Variants in METAP2 observed in about 807,000 individuals in gnomAD.
METAP2 encodes methionyl aminopeptidase 2.
In METAP2, 25 loss-of-function variants were observed where a neutral mutation model predicts 59.4. The observed-to-expected ratio is 0.42, with a 90% CI of 0.31 to 0.59. METAP2 has a LOEUF of 0.59. METAP2 is among the 20% of genes least tolerant of loss of function. METAP2 has a pLI of 0.16. For missense variants in METAP2, 366 were observed against 581.2 expected, an observed-to-expected ratio of 0.63 and a Z score of 3.81; for synonymous variants, 214 against 194.1, an observed-to-expected ratio of 1.10 and a Z score of -0.85.
At chr12:95,476,364 T>C (rs143080896) in intron 2 of METAP2, among the ~76,000 whole-genome samples, 186 bp downstream of exon 2, 2 of 151,948 alleles carry the variant, frequency 1.3e-5, no homozygotes, top group Non-Finnish European at 2.9e-5. Context: ...AAAAAAAATT[T>C]AGCCGGGTGT....
chr12:95,492,055 G>A (rs1265098665), intron 4 of METAP2, among the ~76,000 whole-genome samples: 1 of 152,042 alleles, frequency 6.6e-6, no homozygotes, highest in African/African-American at 2.4e-5. Context: ...CAGTCCTCCT[G>A]CCTCAGCCTA....
At chr12:95,482,043 G>A (rs569534992) in intron 2 of METAP2, 107 of 380,594 alleles carry the variant, frequency 2.8e-4, no homozygotes, top group African/African-American at 1.9e-3. Flanking sequence ...ATAATTTTTC[G>A]TGTGCCTTTT....
chr12:95,496,949 C>T (rs1032175782), intron 7 of METAP2, among the ~76,000 whole-genome samples: 4 of 151,454 alleles, frequency 2.6e-5, no homozygotes, highest in South Asian at 2.1e-4. Context: ...CTCAGCCTCC[C>T]GAGTTGCTGG....
chr12:95,510,024 A>G (rs1009418926), intron 8 of METAP2, among the ~76,000 whole-genome samples: 3 of 151,956 alleles, frequency 2.0e-5, no homozygotes, highest in African/African-American at 7.3e-5. Context: ...TTTAGTAGAG[A>G]TGGGGTTTCA....
intron 9 of METAP2, among the ~76,000 whole-genome samples, chr12:95,512,446 C>T (rs548374225): frequency 3.3e-5 from 5 of 152,152 alleles, no homozygotes; most frequent in African/African-American, 1.2e-4. Flanking sequence ...GTAGCTCAGG[C>T]CTGTTAATCC....
intron 7 of METAP2, among the ~76,000 whole-genome samples, chr12:95,499,078 T>C (rs1357951416): frequency 1.3e-5 from 2 of 152,178 alleles, no homozygotes; most frequent in Non-Finnish European, 2.9e-5. Flanking sequence ...CTGTTCATTT[T>C]ATTGTATTGG....
At chr12:95,499,944 A>G (rs1450099993) in intron 7 of METAP2, among the ~76,000 whole-genome samples, 1 of 152,186 alleles carries the variant, frequency 6.6e-6, no homozygotes, top group East Asian at 1.9e-4. Flanking sequence ...CATGAGAACA[A>G]CATGGGGGAA....
chr12:95,486,790 C>T (rs949443515), intron 4 of METAP2, among the ~76,000 whole-genome samples: 1 of 152,118 alleles, frequency 6.6e-6, no homozygotes, highest in Non-Finnish European at 1.5e-5. Flanking sequence ...AGCCACTGCG[C>T]CCAGCCAATA....
chr12:95,493,009 G>T (rs2076250477), intron 4 of METAP2, among the ~76,000 whole-genome samples: 1 of 152,162 alleles, frequency 6.6e-6, no homozygotes, highest in Non-Finnish European at 1.5e-5. Flanking sequence ...ATTCCTTGAA[G>T]GTATCACTTT....
At chr12:95,512,136 C>A in intron 9 of METAP2, 138 bp downstream of exon 9, 1 of 617,982 alleles carries the variant, frequency 1.6e-6, no homozygotes, top group South Asian at 2.6e-5. Context: ...AGGAATTGGG[C>A]CATTTGAATT....
At chr12:95,503,984 T>C in intron 7 of METAP2, 81 bp from the exon 8 acceptor site, 1 of 1,014,058 alleles carries the variant, frequency 9.9e-7, no homozygotes, top group Non-Finnish European at 1.5e-6. Context: ...TGATTGTCCC[T>C]TGTTTTTAAA....
chr12:95,487,942 A>T (rs762311231), intron 4 of METAP2, among the ~76,000 whole-genome samples: 13 of 152,186 alleles, frequency 8.5e-5, no homozygotes, highest in Non-Finnish European at 1.6e-4. Flanking sequence ...AATTTTTGCC[A>T]CTATAAACCA....
chr12:95,487,031 A>T (rs1349796701), intron 4 of METAP2, among the ~76,000 whole-genome samples: 1 of 152,200 alleles, frequency 6.6e-6, no homozygotes, highest in East Asian at 1.9e-4. Flanking sequence ...TAATTATCAC[A>T]TCTGTGCTTT....
At chr12:95,512,714 AAGAG>A (rs1257050281) in intron 9 of METAP2, 83 bp from the exon 10 acceptor site, 3 of 749,122 alleles carry the variant, frequency 4.0e-6, no homozygotes, top group Non-Finnish European at 6.7e-6. Flanking sequence ...CTGTCTCAAA[AAGAG>A]AGAGAGAGAA....
intron 8 of METAP2, among the ~76,000 whole-genome samples, chr12:95,508,347 C>T (rs1359101949): frequency 6.6e-6 from 1 of 152,162 alleles, no homozygotes; most frequent in Non-Finnish European, 1.5e-5. Context: ...GTTGCTGCTT[C>T]TATTAACACT....
At chr12:95,487,181 A>G (rs962162639) in intron 4 of METAP2, among the ~76,000 whole-genome samples, 1 of 152,236 alleles carries the variant, frequency 6.6e-6, no homozygotes, top group African/African-American at 2.4e-5. Flanking sequence ...GTCACCCACA[A>G]TATTTATAAT....
intron 4 of METAP2, among the ~76,000 whole-genome samples, chr12:95,488,814 A>G (rs1206812123): frequency 3.9e-5 from 6 of 151,992 alleles, no homozygotes; most frequent in South Asian, 4.2e-4. Context: ...GGCTAATACT[A>G]TTTTGATTTG....
At chr12:95,484,840 CA>C (rs1449688905) in intron 3 of METAP2, 2 of 455,316 alleles carry the variant, frequency 4.4e-6, no homozygotes, top group African/African-American at 4.0e-5. Flanking sequence ...GGCTTAGAGC[CA>C]AATGTGTGGT....
At chr12:95,476,369 G>A (rs747067023) in intron 2 of METAP2, among the ~76,000 whole-genome samples, 191 bp downstream of exon 2, 3 of 151,890 alleles carry the variant, frequency 2.0e-5, no homozygotes, top group Non-Finnish European at 4.4e-5. Context: ...AAATTTAGCC[G>A]GGTGTGGTAG....
Sources: allele counts gnomAD v4.1 joint callset (sites outside exome capture counted in the v4.1 genomes callset), GRCh38; gene constraint gnomAD v4.1.1; transcripts MANE v1.5; gene names NCBI Gene and HGNC (gene_info 2026-07-23, HGNC 2026-07-21).